The following ADGRF5 variants were observed in gnomAD, a reference collection of about 807,000 sequenced individuals.
The protein encoded by ADGRF5 is adhesion G protein-coupled receptor F5, also known as G-protein coupled receptor 116.
In ADGRF5, 75 loss-of-function variants were observed where a neutral mutation model predicts 132.3. That is an observed-to-expected ratio of 0.57 (90% CI 0.47 to 0.69). The LOEUF is 0.69. ADGRF5 is among the 30% of genes least tolerant of loss of function. ADGRF5 has a pLI of 0.00. For synonymous variants in ADGRF5, 629 were observed against 597.6 expected (o/e 1.05, Z -0.77); for missense variants, 1,516 against 1,630.6 (o/e 0.93, Z 1.21).
chr6:46,857,837 A>G (rs529869911), intron 17 of ADGRF5, among the ~76,000 whole-genome samples: 2 of 152,236 alleles, frequency 1.3e-5, no homozygotes, highest in Non-Finnish European at 1.5e-5. Context: ...GACTACATCA[A>G]GATAATCTTA....
At chr6:46,938,904 C>T (rs2150941660) in intron 1 of ADGRF5, among the ~76,000 whole-genome samples, 1 of 149,778 alleles carries the variant, frequency 6.7e-6, no homozygotes, top group East Asian at 2.0e-4. Context: ...TGGAGTCTCA[C>T]TCTGTCACCA....
intron 1 of ADGRF5, among the ~76,000 whole-genome samples, chr6:46,919,797 T>C (rs551134170): frequency 4.6e-5 from 7 of 152,358 alleles, no homozygotes. Context: ...GGAGAAACCC[T>C]GTAAAGAACA....
chr6:46,940,061 C>T (rs1337177663), intron 1 of ADGRF5, among the ~76,000 whole-genome samples: 1 of 151,956 alleles, frequency 6.6e-6, no homozygotes, highest in Non-Finnish European at 1.5e-5. Context: ...TATCTGAAAC[C>T]AAACACCGAT....
intron 1 of ADGRF5, among the ~76,000 whole-genome samples, chr6:46,929,286 G>A (rs1195468402): frequency 6.6e-6 from 1 of 151,834 alleles, no homozygotes; most frequent in East Asian, 1.9e-4. Flanking sequence ...GGTGAGAATT[G>A]AACAATGAGA....
At chr6:46,869,762 C>G (rs368331892) in intron 11 of ADGRF5, among the ~76,000 whole-genome samples, 1 of 152,170 alleles carries the variant, frequency 6.6e-6, no homozygotes, top group African/African-American at 2.4e-5. Flanking sequence ...AGCACAATTA[C>G]TTTTGCACTA....
At chr6:46,949,836 G>T (rs182757623) in intron 1 of ADGRF5, among the ~76,000 whole-genome samples, 2 of 152,186 alleles carry the variant, frequency 1.3e-5, no homozygotes, top group Non-Finnish European at 2.9e-5. Context: ...CCATAATTTA[G>T]TTAAAGAGTA....
In ADGRF5 at chr6:46,900,014, C is replaced by A; in HGVS notation, c.157+15G>T. On this transcript the variant is annotated intron_variant, in intron 3 of 20. Coordinates refer to ENST00000283296, the MANE Select transcript of ADGRF5 (RefSeq NM_001098518.2). ...TCAACTTATAAAAGGGATTGCCAAG[C>A]AAGAGTTTACATACCGGCTCGTTTT... 1 of 1,585,668 alleles carries A rather than the reference C, an allele frequency of 6.3e-7. No individual in the cohort carries two copies. The highest frequency in any genetic ancestry group is 8.7e-7 in the Non-Finnish European group (1 of 1,153,968).
At chr6:46,946,454 A>C (rs1056717462) in intron 1 of ADGRF5, among the ~76,000 whole-genome samples, 1 of 152,188 alleles carries the variant, frequency 6.6e-6, no homozygotes, top group Non-Finnish European at 1.5e-5. Context: ...GAATCGCCAT[A>C]ATCCTTTCAA....
At chr6:46,922,302 A>T (rs9463263), upstream of ADGRF5, among the ~76,000 whole-genome samples, 1,346 of 152,296 alleles carry the variant, frequency 8.8e-3, 22 homozygotes, top group African/African-American at 0.03. Context: ...GTGCCAAGAA[A>T]GCAGAGAAAA....
chr6:46,925,628 G>A (rs929964316), upstream of ADGRF5, among the ~76,000 whole-genome samples: 3 of 152,164 alleles, frequency 2.0e-5, no homozygotes, highest in East Asian at 1.9e-4. Flanking sequence ...GTGTTGGCAG[G>A]TGCCTGTAAT....
chr6:46,866,894 T>C, intron 13 of ADGRF5, 31 bp downstream of exon 13: 3 of 1,340,204 alleles, frequency 2.2e-6, no homozygotes, highest in East Asian at 4.6e-5. Context: ...TGAAATAATA[T>C]ACCCTAACAA....
Position 46,881,540 on chromosome 6 carries a change from T to G in ADGRF5, c.729A>C (p.Leu243Phe), listed in dbSNP as rs1379344046. The G allele has an allele frequency of 6.2e-7, 1 of 1,613,358 alleles. No individual in the cohort carries two copies. Among genetic ancestry groups the G allele is most frequent in the South Asian group, 1.1e-5 (1 of 91,072 alleles). Residue 243 changes from leucine (L) to phenylalanine (F), a missense_variant, in exon 8 of 21, where the codon TTA becomes TTC. This residue lies in a region of ADGRF5 where 945 missense variants were observed against 929.4 expected (regional missense o/e 1.02). Transcript: ENST00000283296. ...CAACTTGTTCATTGGCTTTATGTAT[T>G]AACTCAAGTGATGGTGGTGTAGTCT... Reference protein sequence around the residue: ...EVKTTPPSLELIHKANEQVVQ... With the variant: ...EVKTTPPSLEFIHKANEQVVQ...
chr6:46,877,369 CTTTCTTTCT>C (rs749037739), intron 10 of ADGRF5, among the ~76,000 whole-genome samples: 592 of 49,656 alleles, frequency 0.012, 37 homozygotes, highest in East Asian at 0.017. Flanking sequence ...TTCTTTCTTT[CTTTCTTTCT>C]TTCTTTCTTC....
rs529478478 is a variant in ADGRF5 at position 46,871,995 on chromosome 6, A to C, written c.1259T>G (p.Ile420Arg). 2 of 1,607,234 alleles carry C rather than the reference A, an allele frequency of 1.2e-6. No individual in the cohort carries two copies. Among genetic ancestry groups the C allele is most frequent in the African/African-American group, 2.7e-5 (2 of 74,946 alleles). The change falls in exon 11 of 21, where the codon ATA becomes AGA. Residue 420 changes from isoleucine to arginine, a missense_variant. Ile to Arg is a moderately conservative substitution (Grantham distance 97). Transcript: ENST00000283296. ...INIPGTPETD[I>R]DSSCSRYTLK... is the part of the protein sequence containing the mutation. The stretch of plus-strand genomic sequence containing the variant: ...GGTGTATCTGCTGCAGCTAGAATCT[A>C]TGTCTGTCTCAGGGGTTCCTATAAT...
At chr6:46,928,003 C>T (rs916530157) in intron 1 of ADGRF5, among the ~76,000 whole-genome samples, 1 of 152,178 alleles carries the variant, frequency 6.6e-6, no homozygotes, top group Non-Finnish European at 1.5e-5. Context: ...GGCTAAAATG[C>T]TTCAATTTGA....
At position 46,895,454 on chromosome 6, in the gene ADGRF5, C is replaced by A. The variant is rs1033152926; in HGVS notation, c.157+4575G>T. Among the ~76,000 whole-genome samples, 7 of 151,566 alleles carry A rather than the reference C, an allele frequency of 4.6e-5. 1 individual carries two copies. In the South Asian group the frequency reaches 1.1e-3, roughly 23 times the overall value. On this transcript the variant is annotated intron_variant, in intron 3 of 20. Coordinates refer to ENST00000283296, the MANE Select transcript of ADGRF5 (RefSeq NM_001098518.2). ...GAAAACCCAAAAGTCTGTTCCTCAACCTGGGAAGTGCACGGCATTTCCTAG... is the reference window on the plus strand; with the variant it reads ...GAAAACCCAAAAGTCTGTTCCTCAAACTGGGAAGTGCACGGCATTTCCTAG...
intron 1 of ADGRF5, among the ~76,000 whole-genome samples, chr6:46,946,644 G>A (rs58094881): frequency 2.0e-5 from 3 of 152,298 alleles, no homozygotes; most frequent in Non-Finnish European, 2.9e-5. Flanking sequence ...GCAGGAGCAC[G>A]GGAGAGCTGA....
Position 46,944,786 on chromosome 6 carries a change from G to A in ADGRF5, c.-25+9948C>T, listed in dbSNP as rs548316543. On this transcript the variant is annotated intron_variant, in intron 1 of 20. Transcript: ENST00000265417. ...GCAGGGCACATACTTTATCTTCATA[G>A]TCCAACAGAGGGTGTAGCATACCAT... is the stretch of plus-strand genomic sequence containing the variant. Among the ~76,000 whole-genome samples, 60 of 152,268 alleles carry A rather than the reference G, an allele frequency of 3.9e-4. 1 individual carries two copies. The highest frequency in any genetic ancestry group is 1.3e-3 in the African/African-American group (56 of 41,572).
chr6:46,860,816 C>T lies in ADGRF5; in HGVS notation c.2278G>A (p.Glu760Lys). The stretch of plus-strand genomic sequence containing the variant: ...CCAGGAGAAGAGCTGATTTCATGTT[C>T]CGCTTTGTCTATGCTAATAGAAAGA... Reference protein sequence around the residue: ...KDLSISIDKAEHEISSSPGSL... With the variant: ...KDLSISIDKAKHEISSSPGSL... Residue 760 changes from glutamate (E) to lysine (K), a missense_variant, in exon 16 of 21, where the codon GAA becomes AAA. By Grantham distance (56) the Glu-to-Lys change is moderately conservative. Around this residue, in one of 2 missense-constraint regions of ADGRF5, gnomAD observed 945 missense variants for 929.4 expected, o/e 1.02. Coordinates refer to ENST00000283296, the MANE Select transcript of ADGRF5 (RefSeq NM_001098518.2). The T allele has an allele frequency of 1.2e-6, 2 of 1,613,566 alleles. No individual in the cohort carries two copies. Among genetic ancestry groups the T allele is most frequent in the Non-Finnish European group, 1.7e-6 (2 of 1,179,516 alleles).
Sources: gnomAD v4.1 joint callset for allele counts (sites outside exome capture counted in the v4.1 genomes callset) on GRCh38, gnomAD v4.1.1 for gene constraint, gnomAD v4.1.1 regional missense constraint, MANE v1.5 for transcripts, NCBI Gene and HGNC (gene_info 2026-07-23, HGNC 2026-07-21) for gene names.